SYNPO: variants seen among roughly 807,000 people sequenced by gnomAD.
SYNPO encodes synaptopodin.
In SYNPO, 19 loss-of-function variants were observed where a neutral mutation model predicts 49.5. The ratio of observed to expected loss-of-function variants is 0.38; its 90% CI spans 0.27 to 0.56. The LOEUF (loss-of-function observed/expected upper bound fraction) is 0.56, where lower values mean the gene tolerates loss of function less well. Among genes scored for constraint, SYNPO ranks in the 20% least tolerant of loss-of-function variants. The pLI, the probability that SYNPO is intolerant of heterozygous loss-of-function variation, is 0.68. For missense variants in SYNPO, 1,131 were observed against 1,248.3 expected (o/e 0.91, Z 1.42); for synonymous variants, 536 against 548.0 (o/e 0.98, Z 0.31).
At chr5:150,615,783 T>A (rs2151360526) in intron 1 of SYNPO, among the ~76,000 whole-genome samples, 1 of 152,350 alleles carries the variant, frequency 6.6e-6, no homozygotes, top group African/African-American at 2.4e-5. Flanking sequence ...GAATCCACCA[T>A]CATGGTCAAG....
intron 1 of SYNPO, 53 bp from the exon 2 acceptor site, chr5:150,647,891 C>G: frequency 1.3e-6 from 2 of 1,500,714 alleles, no homozygotes; most frequent in Non-Finnish European, 1.8e-6. Flanking sequence ...GTCCGTGCAC[C>G]CCTGTGTCAC....
chr5:150,593,260 G>A, the SYNPO span, among the ~76,000 whole-genome samples: 1 of 152,178 alleles, frequency 6.6e-6, no homozygotes, highest in Admixed American at 6.5e-5. Flanking sequence ...CTGGGAGCCG[G>A]GGCCAGGGCA....
At chr5:150,624,753 T>TGGCGGC in intron 2 of SYNPO, 17 of 740,696 alleles carry the variant, frequency 2.3e-5, no homozygotes, top group Non-Finnish European at 2.8e-5. Context: ...GCGGTGGCGG[T>TGGCGGC]GGCGGCGGCG....
In SYNPO at chr5:150,658,918, G is replaced by GT. The variant is rs758401620; in HGVS notation, c.*1832dup. ...TACCAAAGCCCCTACCTGCTGCTGG[G>GT]TCCCTTGTAGCACAGGAGACTGGGG... On this transcript the variant is annotated 3_prime_UTR_variant, in exon 3 of 3. Transcript: ENST00000307662. 5.9e-5 allele frequency: 9 copies of GT among 152,334 alleles called. No individual in the cohort carries two copies. Among genetic ancestry groups the GT allele is most frequent in the Admixed American group, 5.9e-4 (9 of 15,280 alleles). The allele number at this position is 152,334 out of a possible 1,614,324, so 9.4% of individuals were successfully genotyped here.
chr5:150,612,969 G>C (rs115943845), intron 1 of SYNPO, among the ~76,000 whole-genome samples: 3,541 of 152,088 alleles, frequency 0.023, 136 homozygotes, highest in African/African-American at 0.08. Flanking sequence ...GTAGAGACGG[G>C]GGTCTCACTA....
Position 150,657,415 on chromosome 5 carries a change from T to G in SYNPO, c.*328T>G. On this transcript the variant is annotated 3_prime_UTR_variant, in exon 3 of 3. Transcript: ENST00000307662. ...ACACCGATGCACACACACTCTCTCT[T>G]TCTCTCTCTCTCTCTCTCACACACA... The G allele has an allele frequency of 2.6e-5, 5 of 191,484 alleles. No homozygotes were observed. The highest frequency in any genetic ancestry group is 1.3e-4 in the East Asian group (1 of 7,612). 11.9% of individuals were successfully genotyped at this position (191,484 alleles called of 1,614,324 possible).
chr5:150,605,963 TACAC>T (rs1756682545), intron 1 of SYNPO, among the ~76,000 whole-genome samples: 1 of 151,758 alleles, frequency 6.6e-6, no homozygotes, highest in Non-Finnish European at 1.5e-5. Flanking sequence ...GTTACAAAGA[TACAC>T]ACAAAGAAAC....
chr5:150,651,781 C>T, intron 2 of SYNPO: 7 of 1,000,362 alleles, frequency 7.0e-6, no homozygotes, highest in Non-Finnish European at 8.4e-6. Flanking sequence ...GTCTCAGTTT[C>T]CACATTCATA....
Position 150,611,695 on chromosome 5 carries a change from A to G in SYNPO, c.-265-6408A>G, listed in dbSNP as rs370883457. 4.1e-4 allele frequency among the ~76,000 whole-genome samples: 62 copies of G among 152,316 alleles called. 1 individual carries two copies. The South Asian group carries it at 0.012, about 30-fold the overall frequency. On this transcript the variant is annotated intron_variant, in intron 1 of 2. Coordinates refer to the SYNPO transcript ENST00000394243. ...GGTTGATACTGATGGCCGCTGAGGAAGGGAGGAAGGATGCCAAGATTGGTC... is the reference window on the plus strand; with the variant it reads ...GGTTGATACTGATGGCCGCTGAGGAGGGGAGGAAGGATGCCAAGATTGGTC...
chr5:150,640,111 C>G (rs918313279), upstream of SYNPO: 10 of 985,044 alleles, frequency 1.0e-5, no homozygotes, highest in Admixed American at 6.1e-5. Context: ...TGAAGTAAGG[C>G]CCTGTCCTGC....
intron 2 of SYNPO, among the ~76,000 whole-genome samples, chr5:150,620,899 C>T (rs891650060): frequency 8.3e-5 from 9 of 108,918 alleles, no homozygotes; most frequent in East Asian, 5.3e-4. Flanking sequence ...TTCTTTTTTT[C>T]TCTTTCTTTC....
At position 150,648,794 on chromosome 5, in the gene SYNPO, A is replaced by C. The variant is rs1274102551; in HGVS notation, c.519A>C (p.Glu173Asp). ...CCACCACCAGCACCTTCTCCAGAGA[A>C]GCTACGCTCATCCCCAGCTCCAGGC... ...PATTTSTFSR[E>D]ATLIPSSRPP... is the part of the protein sequence containing the mutation. Residue 173 changes from glutamate to aspartate, a missense_variant, in exon 2 of 3, where the codon GAA becomes GAC. Coordinates refer to ENST00000307662, the MANE Select transcript of SYNPO (RefSeq NM_007286.6). This position sits in a 1 kb window ranked among gnomAD's most constrained non-coding sequence, Gnocchi z 5.0. 2.5e-6 allele frequency: 4 copies of C among 1,614,108 alleles called. No homozygotes were observed. The highest frequency in any genetic ancestry group is 3.4e-6 in the Non-Finnish European group (4 of 1,180,040).
At chr5:150,618,165 C>A in exon 2 of SYNPO, 1 of 598,092 alleles carries the variant, frequency 1.7e-6, no homozygotes, top group Non-Finnish European at 2.7e-6. Flanking sequence ...GTCCACCACT[C>A]CACTAGCCCA....
At chr5:150,636,353 C>A (rs1757714938), upstream of SYNPO, among the ~76,000 whole-genome samples, 1 of 152,172 alleles carries the variant, frequency 6.6e-6, no homozygotes, top group Non-Finnish European at 1.5e-5. Flanking sequence ...CAAGGTACCA[C>A]CTAAAATCCT....
chr5:150,637,869 G>T (rs575035408), upstream of SYNPO, among the ~76,000 whole-genome samples: 1 of 152,280 alleles, frequency 6.6e-6, no homozygotes, highest in African/African-American at 2.4e-5. Flanking sequence ...TGGAGGCGGA[G>T]GGTCCCAGCT....
At chr5:150,652,446 A>C in intron 2 of SYNPO, 1 of 978,294 alleles carries the variant, frequency 1.0e-6, no homozygotes, top group Non-Finnish European at 1.2e-6. Flanking sequence ...ACTGTGTGTG[A>C]AAGTGTGGCT....
At chr5:150,618,706 C>G (rs753752929) in exon 2 of SYNPO, 3 of 1,549,444 alleles carry the variant, frequency 1.9e-6, no homozygotes, top group Non-Finnish European at 2.6e-6. Context: ...TAGTGAAGGC[C>G]GGGCAGATGA....
chr5:150,656,552 C>G lies in SYNPO; in HGVS notation c.2177C>G (p.Pro726Arg). The change falls in exon 3 of 3, where the codon CCG becomes CGG. Residue 726 changes from proline (P) to arginine (R), a missense_variant. Physicochemically the swap from Pro to Arg is moderately radical, Grantham distance 103 (BLOSUM62 -2). Transcript: ENST00000307662. ...MSSPPPLPPP[P>R]PMSPSWSERS... ...AGCCCCCCGCCGCTGCCGCCGCCAC[C>G]GCCCATGTCTCCCTCGTGGAGCGAG... 14 of 1,528,298 alleles carry G rather than the reference C, an allele frequency of 9.2e-6. No homozygotes were observed. Among genetic ancestry groups the G allele is most frequent in the Non-Finnish European group, 1.2e-5 (14 of 1,143,984 alleles). The allele number at this position is 1,528,298 out of a possible 1,614,324, so 94.7% of individuals were successfully genotyped here. A position where few individuals can be genotyped will look rare whatever the true frequency, so the allele number is the denominator to read the frequency against.
chr5:150,656,736 G>A lies in SYNPO; in HGVS notation c.2361G>A (p.Arg787=). ...ACCCGCGGCCCTTCTCCCCGCCGAG[G>A]GCGCCACCGCCCCCGCCCCCGCCCC... ...AENPRPFSPP[R]APPPPPPPPP... Residue 787 remains arginine (R), a synonymous_variant, in exon 3 of 3, where the codon AGG becomes AGA. Coordinates refer to ENST00000307662, the MANE Select transcript of SYNPO (RefSeq NM_007286.6). The A allele has an allele frequency of 1.5e-6, 2 of 1,302,640 alleles. No homozygotes were observed. The highest frequency in any genetic ancestry group is 3.8e-5 in the Admixed American group (1 of 26,620). The allele number at this position is 1,302,640 out of a possible 1,614,324, so 80.7% of individuals were successfully genotyped here.
Sources: allele counts gnomAD v4.1 joint callset (sites outside exome capture counted in the v4.1 genomes callset), GRCh38; gene constraint gnomAD v4.1.1; non-coding constraint Gnocchi (gnomAD v3.1); transcripts MANE v1.5; gene names NCBI Gene and HGNC (gene_info 2026-07-23, HGNC 2026-07-21).